The following MROH1 variants were observed in gnomAD, a reference collection of about 807,000 sequenced individuals.
MROH1 encodes the protein maestro heat-like repeat-containing protein family member 1.
Under a neutral mutation model 116.5 loss-of-function variants are expected in MROH1, and 117 were observed. The observed-to-expected ratio is 1.00, with a 90% confidence interval of 0.86 to 1.17. MROH1 has a LOEUF of 1.17. Among genes scored for constraint, MROH1 ranks in the 50% most tolerant of loss-of-function variants. MROH1 has a pLI of 0.00. For synonymous variants in MROH1, 921 were observed against 583.9 expected (o/e 1.58, Z -8.32); for missense variants, 1,873 against 1,338.5 (o/e 1.40, Z -6.23).
rs1028216330 is a variant in MROH1 at position 144,224,369 on chromosome 8, C to G, written c.1338+1139C>G. ...ACTGCAGCCTTGAACTGTGCTGAAG[C>G]GATCATCCTACCTCAGCCTCCTGAG... On this transcript the variant is annotated intron_variant, in intron 14 of 43. Transcript: ENST00000326134. 4.6e-5 allele frequency among the ~76,000 whole-genome samples: 7 copies of G among 152,218 alleles called. No individual in the cohort carries two copies. In the East Asian group the frequency reaches 1.2e-3, roughly 25 times the overall value.
intron 2 of MROH1, among the ~76,000 whole-genome samples, chr8:144,162,942 C>T (rs951324737): frequency 2.0e-5 from 3 of 152,000 alleles, no homozygotes; most frequent in Admixed American, 1.3e-4. Flanking sequence ...AGGCTGGTCT[C>T]GAACTCCTGA....
chr8:144,247,211 C>T (rs1842065844), intron 29 of MROH1, 90 bp from the exon 30 acceptor site: 1 of 707,916 alleles, frequency 1.4e-6, no homozygotes, highest in Non-Finnish European at 2.6e-6. Context: ...GCACTCCTGG[C>T]CACACTCCAG....
chr8:144,234,511 T>TG (rs1839662814), intron 14 of MROH1, among the ~76,000 whole-genome samples: 1 of 68,096 alleles, frequency 1.5e-5, no homozygotes, highest in Non-Finnish European at 2.7e-5. Flanking sequence ...TTTTTTTTTT[T>TG]TTTTTTTTTT....
In MROH1 at chr8:144,191,833, C is replaced by T. The variant is rs1269672522; in HGVS notation, c.833C>T (p.Ala278Val). The T allele has an allele frequency of 6.2e-7, 1 of 1,613,548 alleles. No individual in the cohort carries two copies. Among genetic ancestry groups the T allele is most frequent in the Admixed American group, 1.7e-5 (1 of 60,006 alleles). The change falls in exon 9 of 44, where the codon GCA becomes GTA. Residue 278 changes from alanine (A) to valine (V), a missense_variant. By Grantham distance (64) the Ala-to-Val change is moderately conservative. Transcript: ENST00000326134. Reference sequence around the variant, plus strand: ...ATTCTCGCCCTCTACAAGAAGCACGCAGAGACCTTCTACTTGTCCAAGGTA... The same window carrying T: ...ATTCTCGCCCTCTACAAGAAGCACGTAGAGACCTTCTACTTGTCCAAGGTA... Reference protein sequence around the residue: ...PGILALYKKHAETFYLSKSLG... With the variant: ...PGILALYKKHVETFYLSKSLG...
chr8:144,222,859 TGGGTACAGGTGC>T (rs1190060374), intron 13 of MROH1, among the ~76,000 whole-genome samples: 1 of 151,806 alleles, frequency 6.6e-6, no homozygotes, highest in African/African-American at 2.4e-5. Flanking sequence ...GGTACAGGTG[TGGGTACAGGTGC>T]AGGCCCAGAT....
chr8:144,228,923 A>G (rs753383766), intron 14 of MROH1, among the ~76,000 whole-genome samples: 6 of 152,234 alleles, frequency 3.9e-5, no homozygotes, highest in Non-Finnish European at 8.8e-5. Context: ...CCACTGCTTT[A>G]TCAACTAAGT....
chr8:144,241,662 G>A (rs1841000674), intron 22 of MROH1, 145 bp downstream of exon 22: 1 of 717,594 alleles, frequency 1.4e-6, no homozygotes, highest in Non-Finnish European at 2.6e-6. Context: ...CCATGGGCAG[G>A]ACCTGTGCGT....
At chr8:144,238,986 A>C in intron 15 of MROH1, 49 bp from the exon 16 acceptor site, 1 of 773,780 alleles carries the variant, frequency 1.3e-6, no homozygotes. Context: ...CCCTGTCTGC[A>C]TGGGACCGCC....
In MROH1 at chr8:144,155,638, C is replaced by CTT. The variant is rs1181004854; in HGVS notation, c.-176-5314_-176-5313dup. The stretch of plus-strand genomic sequence containing the variant: ...TTACAGGTTTTTCTTAGGTGTTTTT[C>CTT]TTTTTTTTTTTTTTTTTTTGAGATG... On this transcript the variant is annotated intron_variant, in intron 1 of 43. Coordinates refer to ENST00000326134, the MANE Select transcript of MROH1 (RefSeq NM_032450.3). 8.8e-4 allele frequency among the ~76,000 whole-genome samples: 111 copies of CTT among 125,976 alleles called. 1 individual carries two copies. The highest frequency in any genetic ancestry group is 6.8e-3 in the East Asian group (30 of 4,386). The allele number at this position is 125,976 out of a possible 152,430, so 82.6% of individuals were successfully genotyped here. A position where few individuals can be genotyped will look rare whatever the true frequency, so the allele number is the denominator to read the frequency against.
chr8:144,253,530 TC>T (rs1843186073), intron 33 of MROH1, among the ~76,000 whole-genome samples: 1 of 152,204 alleles, frequency 6.6e-6, no homozygotes, highest in South Asian at 2.1e-4. Flanking sequence ...GTCTGTGGCC[TC>T]CTGGCGCCTC....
At chr8:144,227,949 C>T (rs865860338) in intron 14 of MROH1, among the ~76,000 whole-genome samples, 1 of 148,444 alleles carries the variant, frequency 6.7e-6, no homozygotes, top group African/African-American at 2.5e-5. Flanking sequence ...TGACACCCTA[C>T]CTGAAAAAAG....
chr8:144,148,095 TGAGCCTTCGGCGGCGCTGGGGAA>T lies in MROH1; in HGVS notation c.-177+25_-177+47del, dbSNP rs1410880376. 3.3e-5 allele frequency: 5 copies of T among 152,180 alleles called. No individual in the cohort carries two copies. Among genetic ancestry groups the T allele is most frequent in the African/African-American group, 7.2e-5 (3 of 41,380 alleles). The allele number at this position is 152,180 out of a possible 1,614,324, so 9.4% of individuals were successfully genotyped here. ...TCCTCAGGTAAACGGCGGGTGGGGA[TGAGCCTTCGGCGGCGCTGGGGAA>T]GAGCCCCTCGGGGAAGTCTGGGCTG... On this transcript the variant is annotated intron_variant, in intron 1 of 43. Transcript: ENST00000326134.
intron 34 of MROH1, 75 bp from the exon 35 acceptor site, chr8:144,255,434 A>G (rs965619614): frequency 2.7e-6 from 2 of 738,236 alleles, no homozygotes; most frequent in African/African-American, 1.7e-5. Context: ...AGGGGGATGC[A>G]GTCTCATTGG....
intron 10 of MROH1, among the ~76,000 whole-genome samples, chr8:144,195,172 G>A (rs1225101122): frequency 9.8e-6 from 1 of 102,432 alleles, no homozygotes; most frequent in Non-Finnish European, 1.9e-5. Context: ...TCCAGCCTGG[G>A]TGACAGTGCG....
At chr8:144,178,192 G>A (rs556396014) in intron 4 of MROH1, among the ~76,000 whole-genome samples, 346 of 139,152 alleles carry the variant, frequency 2.5e-3, no homozygotes, top group Middle Eastern at 3.8e-3. Context: ...GGAGTGCAGT[G>A]GCGCGATCTC....
chr8:144,219,693 A>G (rs543794059), intron 12 of MROH1, among the ~76,000 whole-genome samples: 9 of 152,268 alleles, frequency 5.9e-5, no homozygotes, highest in South Asian at 2.1e-4. Flanking sequence ...GAAGGAACCA[A>G]TTGGGATCCC....
rs1293243925 is a variant in MROH1 at position 144,243,631 on chromosome 8, G to A, written c.2475+15G>A. On this transcript the variant is annotated intron_variant, in intron 25 of 43. Transcript: ENST00000326134. ...CACAGATGATGGTGAGCGTGGCCGT[G>A]GCCTGGCAGGTCCTCAGGCAGGTTC... 6 of 777,902 alleles carry A rather than the reference G, an allele frequency of 7.7e-6. No homozygotes were observed. Among genetic ancestry groups the A allele is most frequent in the African/African-American group, 6.8e-5 (4 of 59,120 alleles). 48.2% of individuals were successfully genotyped at this position (777,902 alleles called of 1,614,324 possible). A position where few individuals can be genotyped will look rare whatever the true frequency, so the allele number is the denominator to read the frequency against.
At chr8:144,242,833 C>T (rs897464170) in intron 24 of MROH1, among the ~76,000 whole-genome samples, 32 of 152,192 alleles carry the variant, frequency 2.1e-4, no homozygotes, top group Non-Finnish European at 3.5e-4. Flanking sequence ...AGAAGGGAGG[C>T]GTCTGCGCCT....
At chr8:144,222,985 A>C in intron 13 of MROH1, 123 bp from the exon 14 acceptor site, 6 of 1,343,014 alleles carry the variant, frequency 4.5e-6, no homozygotes, top group South Asian at 1.4e-5. Flanking sequence ...TGTCAGTGTA[A>C]CTGCAGTTGT....
Sources: allele counts gnomAD v4.1 joint callset (sites outside exome capture counted in the v4.1 genomes callset), GRCh38; gene constraint gnomAD v4.1.1; transcripts MANE v1.5; gene names NCBI Gene and HGNC (gene_info 2026-07-23, HGNC 2026-07-21).